Variants in RFX3 observed in about 807,000 individuals in gnomAD.
RFX3 encodes regulatory factor X3.
A neutral mutation model predicts 98.6 loss-of-function variants in RFX3; 14 were observed. That is an observed-to-expected ratio of 0.14 (90% CI 0.09 to 0.22). The LOEUF is 0.22. RFX3 is among the 10% of genes least tolerant of loss of function. The pLI, the probability that RFX3 is intolerant of heterozygous loss-of-function variation, is 1.00. For missense variants in RFX3, 639 were observed against 926.9 expected, an observed-to-expected ratio of 0.69 and a Z score of 4.03; for synonymous variants, 383 against 328.4, an observed-to-expected ratio of 1.17 and a Z score of -1.80.
intron 1 of RFX3, among the ~76,000 whole-genome samples, chr9:3,468,446 T>C (rs1228694129): frequency 6.6e-6 from 1 of 152,194 alleles, no homozygotes; most frequent in Admixed American, 6.5e-5. Context: ...TTAAGAATTA[T>C]GTATCTGGCC....
At chr9:3,314,635 G>A (rs933884800) in intron 4 of RFX3, among the ~76,000 whole-genome samples, 1 of 152,022 alleles carries the variant, frequency 6.6e-6, no homozygotes, top group Non-Finnish European at 1.5e-5. Flanking sequence ...ACCATCTCAT[G>A]TACAGAGACA....
At chr9:3,257,234 C>T in intron 13 of RFX3, 35 bp from the exon 14 acceptor site, 1 of 1,585,080 alleles carries the variant, frequency 6.3e-7, no homozygotes, top group Non-Finnish European at 8.7e-7. Flanking sequence ...AGGAAAAGTT[C>T]AATTCAGCAT....
intron 2 of RFX3, among the ~76,000 whole-genome samples, chr9:3,362,175 G>A (rs1836539104): frequency 6.6e-6 from 1 of 152,058 alleles, no homozygotes; most frequent in African/African-American, 2.4e-5. Flanking sequence ...GAGATTCCCT[G>A]GATCTTTAAC....
At chr9:3,336,548 G>C (rs1587143825) in intron 3 of RFX3, among the ~76,000 whole-genome samples, 1 of 152,032 alleles carries the variant, frequency 6.6e-6, no homozygotes, top group Non-Finnish European at 1.5e-5. Context: ...TGGAAAACAA[G>C]AAGAATAAAA....
chr9:3,417,229 A>G (rs1843060846), intron 1 of RFX3, among the ~76,000 whole-genome samples: 1 of 152,058 alleles, frequency 6.6e-6, no homozygotes, highest in Non-Finnish European at 1.5e-5. Flanking sequence ...CTGAAAAAGA[A>G]ATAATAAAAT....
chr9:3,433,161 T>C (rs764343107), intron 1 of RFX3, among the ~76,000 whole-genome samples: 2 of 152,084 alleles, frequency 1.3e-5, no homozygotes, highest in Non-Finnish European at 2.9e-5. Context: ...AAAATCCAAA[T>C]ATAAGTGAAT....
intron 1 of RFX3, among the ~76,000 whole-genome samples, chr9:3,519,379 A>C (rs893265687): frequency 6.6e-6 from 1 of 152,190 alleles, no homozygotes; most frequent in Non-Finnish European, 1.5e-5. Context: ...ATGAGTATAA[A>C]TTGGTAAGCA....
chr9:3,413,451 T>A (rs1842633738), intron 1 of RFX3, among the ~76,000 whole-genome samples: 1 of 152,154 alleles, frequency 6.6e-6, no homozygotes, highest in African/African-American at 2.4e-5. Flanking sequence ...TTTAAGTTGC[T>A]AAGAAGTGAA....
intron 8 of RFX3, among the ~76,000 whole-genome samples, chr9:3,276,968 G>A (rs1825307859): frequency 6.6e-6 from 1 of 151,810 alleles, no homozygotes; most frequent in Non-Finnish European, 1.5e-5. Flanking sequence ...TCTAATCTGA[G>A]CCTGTGCATA....
At chr9:3,433,511 T>C (rs1430756775) in intron 1 of RFX3, among the ~76,000 whole-genome samples, 1 of 152,220 alleles carries the variant, frequency 6.6e-6, no homozygotes, top group Non-Finnish European at 1.5e-5. Context: ...GTTTATGTTA[T>C]TGGCAAGCCT....
intron 1 of RFX3, among the ~76,000 whole-genome samples, chr9:3,426,951 T>C (rs1466852847): frequency 6.6e-6 from 1 of 152,056 alleles, no homozygotes; most frequent in Non-Finnish European, 1.5e-5. Context: ...CGGTCCCTGG[T>C]GCCAAAAAGG....
At chr9:3,252,496 G>A (rs1378854793) in intron 14 of RFX3, among the ~76,000 whole-genome samples, 1 of 152,130 alleles carries the variant, frequency 6.6e-6, no homozygotes, top group Non-Finnish European at 1.5e-5. Flanking sequence ...ATTGAAGTGA[G>A]GAAACGAACA....
chr9:3,419,799 G>A (rs1413481750), intron 1 of RFX3, among the ~76,000 whole-genome samples: 2 of 152,132 alleles, frequency 1.3e-5, no homozygotes, highest in Non-Finnish European at 2.9e-5. Context: ...TATGCATGGG[G>A]TACATATGAA....
rs1195667432 is a variant in RFX3, at chr9:3,442,162, T to G, written c.-8-46566A>C. 3.9e-5 allele frequency among the ~76,000 whole-genome samples: 6 copies of G among 152,024 alleles called. No homozygotes were observed. In the East Asian group the frequency reaches 1.2e-3, roughly 29 times the overall value. On this transcript the variant is annotated intron_variant, in intron 1 of 16. Coordinates refer to ENST00000617270, the MANE Select transcript of RFX3 (RefSeq NM_001282116.2). ...TTGCAATGAGCTGAGATCACACCAT[T>G]GCACTCCAGCCTGGGCAACAAGAGC...
chr9:3,302,377 G>A (rs1487315346), intron 4 of RFX3, among the ~76,000 whole-genome samples: 1 of 151,696 alleles, frequency 6.6e-6, no homozygotes, highest in African/African-American at 2.4e-5. Flanking sequence ...TTAAGTACCA[G>A]GTGTTAGTGA....
intron 2 of RFX3, among the ~76,000 whole-genome samples, chr9:3,386,045 G>A (rs1161916081): frequency 3.3e-5 from 5 of 152,184 alleles, no homozygotes; most frequent in African/African-American, 1.2e-4. Flanking sequence ...GCAGATCAGA[G>A]GAAGTTGGTG....
At chr9:3,320,143 T>A (rs1043815738) in intron 4 of RFX3, among the ~76,000 whole-genome samples, 1 of 152,214 alleles carries the variant, frequency 6.6e-6, no homozygotes, top group Non-Finnish European at 1.5e-5. Flanking sequence ...ATATAATGTA[T>A]AATCATTAAG....
At chr9:3,381,210 C>A (rs1839155207) in intron 2 of RFX3, among the ~76,000 whole-genome samples, 1 of 151,562 alleles carries the variant, frequency 6.6e-6, no homozygotes, top group African/African-American at 2.4e-5. Flanking sequence ...TGAAAATAAG[C>A]CCAAAACAAA....
chr9:3,350,820 C>T (rs1036627857), intron 2 of RFX3, among the ~76,000 whole-genome samples: 1 of 151,764 alleles, frequency 6.6e-6, no homozygotes, highest in Non-Finnish European at 1.5e-5. Context: ...ATGCGTATGA[C>T]CAAGTGAAAG....
Sources: allele counts gnomAD v4.1 joint callset (sites outside exome capture counted in the v4.1 genomes callset), GRCh38; gene constraint gnomAD v4.1.1; transcripts MANE v1.5; gene names NCBI Gene and HGNC (gene_info 2026-07-23, HGNC 2026-07-21).